Variants in PTGR1 observed in about 807,000 individuals in gnomAD.
The protein encoded by PTGR1 is prostaglandin reductase 1.
PTGR1 carries 23 observed loss-of-function variants against 37.7 expected under a neutral mutation model. That is an observed-to-expected ratio of 0.61 (90% CI 0.44 to 0.86). PTGR1 has a LOEUF of 0.86. Among genes scored for constraint, PTGR1 ranks in the 40% least tolerant of loss-of-function variants. The pLI is 0.00. For missense variants in PTGR1, 351 were observed against 394.3 expected (o/e 0.89, Z 0.93); for synonymous variants, 134 against 140.0 (o/e 0.96, Z 0.30).
At chr9:111,587,259 A>G (rs1829462463) in intron 4 of PTGR1, among the ~76,000 whole-genome samples, 1 of 151,524 alleles carries the variant, frequency 6.6e-6, no homozygotes, top group Admixed American at 6.6e-5. Context: ...TCTTCATCCA[A>G]CTCTTTATCC....
At chr9:111,587,924 T>C (rs1589317113) in intron 4 of PTGR1, among the ~76,000 whole-genome samples, 1 of 152,210 alleles carries the variant, frequency 6.6e-6, no homozygotes, top group African/African-American at 2.4e-5. Context: ...TTCAGTATTT[T>C]TCCTAATGTT....
chr9:111,597,761 T>G (rs1448591295), intron 1 of PTGR1, among the ~76,000 whole-genome samples: 3 of 152,244 alleles, frequency 2.0e-5, no homozygotes, highest in African/African-American at 7.2e-5. Flanking sequence ...TCCCAGCCAC[T>G]GCTAGGCTAG....
At chr9:111,560,282 C>T (rs1219481565), downstream of PTGR1, among the ~76,000 whole-genome samples, 1 of 151,638 alleles carries the variant, frequency 6.6e-6, no homozygotes, top group Non-Finnish European at 1.5e-5. Context: ...AGATCGAGAC[C>T]ATCCTGGCCA....
At chr9:111,551,744 T>C (rs1478774177) in intron 9 of PTGR1, among the ~76,000 whole-genome samples, 1 of 152,240 alleles carries the variant, frequency 6.6e-6, no homozygotes, top group African/African-American at 2.4e-5. Flanking sequence ...ACAAAACTTT[T>C]ATTAGAAAAA....
At chr9:111,594,549 C>CTT (rs71373753) in intron 2 of PTGR1, among the ~76,000 whole-genome samples, 46,242 of 126,858 alleles carry the variant, frequency 0.36, 8,993 homozygotes, top group Non-Finnish European at 0.41. Context: ...TTTTGGCATT[C>CTT]TTTTTTTTTT....
At chr9:111,571,671 TG>T (rs1371295360) in intron 8 of PTGR1, among the ~76,000 whole-genome samples, 1 of 152,022 alleles carries the variant, frequency 6.6e-6, no homozygotes, top group Non-Finnish European at 1.5e-5. Flanking sequence ...TTTGTTTGTT[TG>T]TTTGTTTGTT....
chr9:111,557,731 ATT>A (rs1828166620), downstream of PTGR1, among the ~76,000 whole-genome samples: 1 of 151,996 alleles, frequency 6.6e-6, no homozygotes, highest in Non-Finnish European at 1.5e-5. Flanking sequence ...TGCCCGGCCC[ATT>A]TGTCTCATTA....
At chr9:111,585,836 C>T (rs946022207) in intron 5 of PTGR1, among the ~76,000 whole-genome samples, 162 bp downstream of exon 5, 2 of 152,336 alleles carry the variant, frequency 1.3e-5, no homozygotes, top group Middle Eastern at 3.4e-3. Context: ...CATTGATGGA[C>T]ACTTAGGTTG....
chr9:111,596,926 C>CACAA (rs1829798910), intron 2 of PTGR1, among the ~76,000 whole-genome samples: 1 of 90,662 alleles, frequency 1.1e-5, no homozygotes, highest in Non-Finnish European at 2.0e-5. Context: ...GACTCTGTCT[C>CACAA]AAAAAAAAAA....
At chr9:111,560,447 C>G (rs1041665665), downstream of PTGR1, among the ~76,000 whole-genome samples, 5 of 137,738 alleles carry the variant, frequency 3.6e-5, no homozygotes, top group African/African-American at 1.4e-4. Flanking sequence ...GCACTCCAGC[C>G]TGGGTGACAG....
chr9:111,597,189 A>G, intron 2 of PTGR1, 128 bp downstream of exon 2: 1 of 721,774 alleles, frequency 1.4e-6, no homozygotes, highest in Non-Finnish European at 2.3e-6. Flanking sequence ...CAAATTGCCA[A>G]CCCAAAGAAT....
chr9:111,586,780 CCA>C (rs1491559607), intron 4 of PTGR1, among the ~76,000 whole-genome samples: 9 of 133,248 alleles, frequency 6.8e-5, no homozygotes, highest in African/African-American at 1.9e-4. Context: ...TTTTACTTTT[CCA>C]CTCTCTCTCT....
At chr9:111,574,879 A>G (rs1344377646) in intron 7 of PTGR1, 37 bp from the exon 8 acceptor site, 3 of 1,453,542 alleles carry the variant, frequency 2.1e-6, no homozygotes, top group African/African-American at 1.4e-5. Flanking sequence ...TAAATAATCT[A>G]AATACTAGAG....
At chr9:111,559,358 C>T (rs1228175336), downstream of PTGR1, among the ~76,000 whole-genome samples, 1 of 151,846 alleles carries the variant, frequency 6.6e-6, no homozygotes, top group Admixed American at 6.6e-5. Flanking sequence ...CCAGGCAGCC[C>T]TGCGATTCCA....
chr9:111,593,292 A>C (rs1229359771), intron 3 of PTGR1, among the ~76,000 whole-genome samples: 1 of 152,224 alleles, frequency 6.6e-6, no homozygotes, highest in East Asian at 1.9e-4. Flanking sequence ...AATGACTTTA[A>C]AAATAGAACC....
chr9:111,561,709 A>T (rs1439137359), downstream of PTGR1, among the ~76,000 whole-genome samples: 1 of 152,166 alleles, frequency 6.6e-6, no homozygotes, highest in African/African-American at 2.4e-5. Context: ...TCTGTAGAGG[A>T]CCAGTATGGA....
intron 8 of PTGR1, among the ~76,000 whole-genome samples, chr9:111,572,938 A>T (rs80137566): frequency 0.07 from 10,609 of 152,092 alleles, 561 homozygotes; most frequent in East Asian, 0.25. Flanking sequence ...TTTTACTGAG[A>T]GCAAAAAAGC....
intron 4 of PTGR1, among the ~76,000 whole-genome samples, chr9:111,587,597 G>A (rs548711078): frequency 5.3e-5 from 8 of 152,048 alleles, no homozygotes; most frequent in Non-Finnish European, 1.0e-4. Flanking sequence ...GAATACAGGC[G>A]CGTGCCACTA....
chr9:111,594,555 T>C (rs1046603054), intron 2 of PTGR1, among the ~76,000 whole-genome samples: 2 of 148,488 alleles, frequency 1.3e-5, no homozygotes, highest in Admixed American at 1.3e-4. Context: ...CATTCTTTTT[T>C]TTTTTTTTTT....
Sources: gnomAD v4.1 joint callset for allele counts (sites outside exome capture counted in the v4.1 genomes callset) on GRCh38, gnomAD v4.1.1 for gene constraint, MANE v1.5 for transcripts, NCBI Gene and HGNC (gene_info 2026-07-23, HGNC 2026-07-21) for gene names.